GXYLT2: variants seen among roughly 807,000 people sequenced by gnomAD.
The protein encoded by GXYLT2 is glucoside xylosyltransferase 2, also known as glycosyltransferase 8 domain containing 4.
In GXYLT2, 53 loss-of-function variants were observed where a neutral mutation model predicts 45.8. That is an observed-to-expected ratio of 1.16 (90% CI 0.93 to 1.46). The LOEUF is 1.46. GXYLT2 is among the 40% of genes most tolerant of loss of function. The probability of loss-of-function intolerance (pLI) is 0.00; values close to 1 mark genes in which losing one functional copy is unlikely to be tolerated. For synonymous variants in GXYLT2, 219 were observed against 214.2 expected, an observed-to-expected ratio of 1.02 and a Z score of -0.19; for missense variants, 551 against 544.4, an observed-to-expected ratio of 1.01 and a Z score of -0.12.
At chr3:72,890,215 A>AC (rs11433141) in intron 1 of GXYLT2, among the ~76,000 whole-genome samples, 53,834 of 152,070 alleles carry the variant, frequency 0.35, 10,083 homozygotes, top group African/African-American at 0.41. Flanking sequence ...CGCCGGGCCC[A>AC]ACCATAACCC....
At chr3:72,913,652 G>A (rs78231330) in intron 2 of GXYLT2, among the ~76,000 whole-genome samples, 8,125 of 151,952 alleles carry the variant, frequency 0.053, 655 homozygotes, top group East Asian at 0.35. Flanking sequence ...CCAAGATTAC[G>A]CCACTGTACT....
chr3:72,920,444 A>AT (rs1709811648), intron 2 of GXYLT2, among the ~76,000 whole-genome samples: 1 of 151,610 alleles, frequency 6.6e-6, no homozygotes, highest in South Asian at 2.1e-4. Context: ...CTTGTTTTTA[A>AT]TTTTTTTAAG....
At chr3:72,911,993 G>GTATATA (rs1288910128) in intron 2 of GXYLT2, among the ~76,000 whole-genome samples, 83 of 122,906 alleles carry the variant, frequency 6.8e-4, no homozygotes, top group East Asian at 2.1e-3. Context: ...GTGTGTGTGT[G>GTATATA]TATATATATA....
intron 3 of GXYLT2, among the ~76,000 whole-genome samples, chr3:72,923,062 C>T (rs1160629705): frequency 6.6e-6 from 1 of 152,042 alleles, no homozygotes; most frequent in Non-Finnish European, 1.5e-5. Context: ...CAAGACCAGC[C>T]TGGCCAACAT....
rs764584935 is a variant in GXYLT2 at position 72,967,565 on chromosome 3, C to T, written c.995C>T (p.Pro332Leu). 2 of 1,613,526 alleles carry T rather than the reference C, an allele frequency of 1.2e-6. No homozygotes were observed. Among genetic ancestry groups the T allele is most frequent in the Non-Finnish European group, 1.7e-6 (2 of 1,179,582 alleles). The stretch of plus-strand genomic sequence containing the variant: ...CCACCAGAGTGTCTCTATGTATTCC[C>T]CTGCCAGTGGAACTACCGTCCCGAT... ...YFNPECLYVF[P>L]CQWNYRPDHC... The change falls in exon 6 of 7, where the codon CCC becomes CTC. Residue 332 changes from proline (P) to leucine (L), a missense_variant. Transcript: ENST00000389617.
In GXYLT2 at chr3:72,975,543, A is replaced by G. The variant is rs1023098130; in HGVS notation, c.*384A>G. The G allele has an allele frequency of 6.1e-6, 1 of 163,772 alleles. No homozygotes were observed. The highest frequency in any genetic ancestry group is 1.3e-5 in the Non-Finnish European group (1 of 76,290). The allele number at this position is 163,772 out of a possible 1,614,324, so 10.1% of individuals were successfully genotyped here. A position where few individuals can be genotyped will look rare whatever the true frequency, so the allele number is the denominator to read the frequency against. Reference sequence around the variant, plus strand: ...CTCTTTCTATGCAACTGACTCCCCCACACCCGTGTTATAAAAGTAATACAC... The same window carrying G: ...CTCTTTCTATGCAACTGACTCCCCCGCACCCGTGTTATAAAAGTAATACAC... On this transcript the variant is annotated 3_prime_UTR_variant, in exon 7 of 7. Coordinates refer to ENST00000389617, the MANE Select transcript of GXYLT2 (RefSeq NM_001080393.2).
intron 1 of GXYLT2, among the ~76,000 whole-genome samples, chr3:72,891,652 C>T (rs1470270235): frequency 3.3e-5 from 5 of 152,160 alleles, no homozygotes; most frequent in African/African-American, 9.7e-5. Flanking sequence ...TGATTTACAG[C>T]TGGCTGACTT....
chr3:72,975,919 T>G lies in GXYLT2; in HGVS notation c.*760T>G, dbSNP rs1426470715. ...TATCTGGGGGTATTTCTTCTTTTTC[T>G]TTCTTTCTTTTTTTTTTTTTTTTTT... On this transcript the variant is annotated 3_prime_UTR_variant, in exon 7 of 7. Coordinates refer to ENST00000389617, the MANE Select transcript of GXYLT2 (RefSeq NM_001080393.2). 1.5e-5 allele frequency: 2 copies of G among 129,904 alleles called. No homozygotes were observed. The highest frequency in any genetic ancestry group is 3.1e-5 in the Non-Finnish European group (2 of 64,668). 8.0% of individuals were successfully genotyped at this position (129,904 alleles called of 1,614,324 possible). A position where few individuals can be genotyped will look rare whatever the true frequency, so the allele number is the denominator to read the frequency against.
At chr3:72,916,772 C>G (rs777587361) in intron 2 of GXYLT2, among the ~76,000 whole-genome samples, 3 of 151,554 alleles carry the variant, frequency 2.0e-5, no homozygotes, top group Non-Finnish European at 4.4e-5. Context: ...AACTCCTGAC[C>G]TCGGCCTCCC....
chr3:72,917,425 A>G (rs1345847406), intron 2 of GXYLT2, among the ~76,000 whole-genome samples: 1 of 152,200 alleles, frequency 6.6e-6, no homozygotes, highest in Non-Finnish European at 1.5e-5. Flanking sequence ...GGTAAATACT[A>G]GGTAATGCCT....
At chr3:72,962,478 C>G (rs1710788142) in intron 5 of GXYLT2, among the ~76,000 whole-genome samples, 1 of 151,682 alleles carries the variant, frequency 6.6e-6, no homozygotes, top group African/African-American at 2.4e-5. Flanking sequence ...AGAGAAAGAG[C>G]CACAGCAAGG....
chr3:72,964,208 G>T (rs1020803517), intron 5 of GXYLT2, among the ~76,000 whole-genome samples: 2 of 152,120 alleles, frequency 1.3e-5, no homozygotes, highest in African/African-American at 4.8e-5. Context: ...TTACACCTCT[G>T]CACTTCTGAT....
At chr3:72,965,768 A>T (rs1710854812) in intron 5 of GXYLT2, among the ~76,000 whole-genome samples, 1 of 152,076 alleles carries the variant, frequency 6.6e-6, no homozygotes, top group African/African-American at 2.4e-5. Flanking sequence ...TTTCCCTCCA[A>T]ATATTGCCAA....
At chr3:72,914,553 G>A (rs563661049) in intron 2 of GXYLT2, among the ~76,000 whole-genome samples, 3 of 151,504 alleles carry the variant, frequency 2.0e-5, no homozygotes, top group Admixed American at 6.6e-5. Context: ...GTGTGCGCGC[G>A]CGCGCTTGCG....
chr3:72,965,207 G>A (rs1006355387), intron 5 of GXYLT2, among the ~76,000 whole-genome samples: 4 of 152,158 alleles, frequency 2.6e-5, no homozygotes, highest in African/African-American at 9.7e-5. Context: ...ATTTGATAAA[G>A]GATGCCTAAA....
Position 72,955,176 on chromosome 3 carries a change from A to T in GXYLT2, c.679A>T (p.Lys227Ter), listed in dbSNP as rs1320261103. Reference protein sequence around the residue: ...LFLRPVDDIWKLLRLFNSTQL... With the variant: ...LFLRPVDDIW The stretch of plus-strand genomic sequence containing the variant: ...TCTGAGACCTGTTGATGACATCTGG[A>T]AGCTTCTGAGGCTGTTTAATTCCAC... The change falls in exon 4 of 7, where the codon AAG (lysine) becomes TAG (stop). Residue 227 changes from lysine (K) to a stop codon, truncating the protein, a stop_gained. Coordinates refer to ENST00000389617, the MANE Select transcript of GXYLT2 (RefSeq NM_001080393.2). LOFTEE classifies it high-confidence loss of function. 1.2e-6 allele frequency: 2 copies of T among 1,614,012 alleles called. No homozygotes were observed. The highest frequency in any genetic ancestry group is 1.7e-6 in the Non-Finnish European group (2 of 1,179,894).
At chr3:72,949,309 C>T (rs771539685) in intron 3 of GXYLT2, among the ~76,000 whole-genome samples, 20 of 151,934 alleles carry the variant, frequency 1.3e-4, no homozygotes, top group African/African-American at 1.9e-4. Flanking sequence ...CCCTGCTCTC[C>T]GCTTATTTAT....
intron 3 of GXYLT2, among the ~76,000 whole-genome samples, chr3:72,935,221 T>A (rs1710153741): frequency 6.6e-6 from 1 of 152,136 alleles, no homozygotes; most frequent in South Asian, 2.1e-4. Flanking sequence ...GAATGGAATA[T>A]TTAGAGGATT....
At chr3:72,947,629 G>A (rs764544514) in intron 3 of GXYLT2, among the ~76,000 whole-genome samples, 1 of 152,036 alleles carries the variant, frequency 6.6e-6, no homozygotes, top group Non-Finnish European at 1.5e-5. Flanking sequence ...GTGAAACCTT[G>A]CCTCTACTAA....
Sources: allele counts gnomAD v4.1 joint callset (sites outside exome capture counted in the v4.1 genomes callset), GRCh38; gene constraint gnomAD v4.1.1; transcripts MANE v1.5; gene names NCBI Gene and HGNC (gene_info 2026-07-23, HGNC 2026-07-21).